TENT4B: variants seen among roughly 807,000 people sequenced by gnomAD.
TENT4B encodes the protein PAP associated domain containing 5.
A neutral mutation model predicts 75.0 loss-of-function variants in TENT4B; 10 were observed. That is an observed-to-expected ratio of 0.13 (90% confidence interval 0.08 to 0.23). TENT4B has a LOEUF of 0.23. Ranked by LOEUF, TENT4B falls within the 10% of genes least tolerant of loss-of-function variation. The probability of loss-of-function intolerance (pLI) is 1.00; values close to 1 mark genes in which losing one functional copy is unlikely to be tolerated. For missense variants in TENT4B, 579 were observed against 893.8 expected, an observed-to-expected ratio of 0.65 and a Z score of 4.49; for synonymous variants, 350 against 357.7, an observed-to-expected ratio of 0.98 and a Z score of 0.24.
At position 50,229,450 on chromosome 16, in the gene TENT4B, G is replaced by GT; in HGVS notation, c.*128dup. 7 of 1,317,512 alleles carry GT rather than the reference G, an allele frequency of 5.3e-6. No individual in the cohort carries two copies. The highest frequency in any genetic ancestry group is 2.5e-5 in the South Asian group (1 of 39,250). The allele number at this position is 1,317,512 out of a possible 1,614,324, so 81.6% of individuals were successfully genotyped here. Reference sequence around the variant, plus strand: ...GTTCAGACGTTGACTTAGCAACTGCGTTTTTTCCCAGCTCGCCACAGAATG... The same window carrying GT: ...GTTCAGACGTTGACTTAGCAACTGCGTTTTTTTCCCAGCTCGCCACAGAATG... On this transcript the variant is annotated 3_prime_UTR_variant, in exon 12 of 12. Coordinates refer to ENST00000561678, the MANE Select transcript of TENT4B (RefSeq NM_001365324.3).
rs1246776842 is a variant in TENT4B at position 50,232,681 on chromosome 16, C to T, written c.*3353C>T. On this transcript the variant is annotated 3_prime_UTR_variant, in exon 12 of 12. Coordinates refer to ENST00000561678, the MANE Select transcript of TENT4B (RefSeq NM_001365324.3). ...TGTGACATGTTCATTGCAAAGCCCT[C>T]TCCAGTGACTAGGAGGTGTAGTTAT... is the stretch of plus-strand genomic sequence containing the variant. 3 of 985,086 alleles carry T rather than the reference C, an allele frequency of 3.0e-6. No individual in the cohort carries two copies. The African/African-American group carries it at 5.2e-5, about 17-fold the overall frequency. The allele number at this position is 985,086 out of a possible 1,614,324, so 61.0% of individuals were successfully genotyped here. A position where few individuals can be genotyped will look rare whatever the true frequency, so the allele number is the denominator to read the frequency against.
At position 50,154,013 on chromosome 16, in the gene TENT4B, C is replaced by G; in HGVS notation, c.392C>G (p.Ser131Trp). The G allele has an allele frequency of 2.0e-6, 3 of 1,533,652 alleles. No individual in the cohort carries two copies. The highest frequency in any genetic ancestry group is 2.6e-6 in the Non-Finnish European group (3 of 1,145,858). The change falls in exon 1 of 12, where the codon TCG (serine) becomes TGG (tryptophan). Residue 131 changes from serine to tryptophan, a missense_variant. Ser to Trp is a radical substitution (Grantham distance 177, BLOSUM62 -3). Around this residue, in one of 7 missense-constraint regions of TENT4B, gnomAD observed 253 missense variants for 270.1 expected, o/e 0.94. Coordinates refer to ENST00000561678, the MANE Select transcript of TENT4B (RefSeq NM_001365324.3). Reference protein sequence around the residue: ...WARRAGSSASSPPSASSSPHP... With the variant: ...WARRAGSSASWPPSASSSPHP... ...CGCCGGGCGGGCTCCTCGGCGTCCT[C>G]GCCTCCCTCGGCGTCCTCGTCCCCG...
chr16:50,216,072 C>G lies in TENT4B; in HGVS notation c.810-3C>G, dbSNP rs769307265. On this transcript the variant is annotated splice_region_variant and splice_polypyrimidine_tract_variant and intron_variant, in intron 3 of 11. Coordinates refer to ENST00000561678, the MANE Select transcript of TENT4B (RefSeq NM_001365324.3). ...CCCTCTTGTATATGTATTCTGTGTT[C>G]AGTGACATCGACCTAGTGGTGTTTG... 1 of 1,613,880 alleles carries G rather than the reference C, an allele frequency of 6.2e-7. No individual in the cohort carries two copies. The highest frequency in any genetic ancestry group is 8.5e-7 in the Non-Finnish European group (1 of 1,179,838).
chr16:50,213,008 T>A (rs2031368520), intron 2 of TENT4B, among the ~76,000 whole-genome samples: 1 of 152,118 alleles, frequency 6.6e-6, no homozygotes, highest in Admixed American at 6.5e-5. Context: ...CATGAGCTTG[T>A]GGTTAGGTTC....
chr16:50,190,088 AAAAAAC>A (rs769242148), intron 1 of TENT4B, among the ~76,000 whole-genome samples: 4,495 of 30,008 alleles, frequency 0.15, 83 homozygotes, highest in Non-Finnish European at 0.28. Flanking sequence ...AAAAAAAAAA[AAAAAAC>A]AAAGAAAAGA....
At chr16:50,212,585 T>A (rs1727027163) in intron 2 of TENT4B, among the ~76,000 whole-genome samples, 1 of 152,168 alleles carries the variant, frequency 6.6e-6, no homozygotes, top group South Asian at 2.1e-4. Flanking sequence ...TGCAAGTATA[T>A]GACAGTATGT....
chr16:50,227,711 G>T (rs2032115969), intron 10 of TENT4B, 128 bp from the exon 11 acceptor site: 1 of 982,902 alleles, frequency 1.0e-6, no homozygotes, highest in Non-Finnish European at 1.5e-6. Flanking sequence ...TTTTTTGTGT[G>T]CTTCTTTTAA....
At chr16:50,160,418 G>A (rs1243647900) in intron 1 of TENT4B, among the ~76,000 whole-genome samples, 1 of 152,122 alleles carries the variant, frequency 6.6e-6, no homozygotes, top group Admixed American at 6.6e-5. Flanking sequence ...TCACACAAAA[G>A]GCTTACTACA....
chr16:50,215,034 A>T (rs2031478519), intron 3 of TENT4B, among the ~76,000 whole-genome samples: 1 of 152,194 alleles, frequency 6.6e-6, no homozygotes, highest in South Asian at 2.1e-4. Flanking sequence ...CAGGGTACAG[A>T]TCTCTTCTCT....
Position 50,153,936 on chromosome 16 carries a change from C to G in TENT4B, c.315C>G (p.Pro105=). Residue 105 remains proline (P), a synonymous_variant, in exon 1 of 12, where the codon CCC becomes CCG. Transcript: ENST00000561678. ...ALPAEQRDFL[P]LETTNNNNNH... is the part of the protein sequence containing the mutation. ...CCGCGGAGCAGCGGGACTTCCTGCCCCTAGAGACGACCAACAACAACAACA... is the reference window on the plus strand; with the variant it reads ...CCGCGGAGCAGCGGGACTTCCTGCCGCTAGAGACGACCAACAACAACAACA... The G allele has an allele frequency of 1.3e-6, 2 of 1,533,492 alleles. No homozygotes were observed. The highest frequency in any genetic ancestry group is 1.7e-6 in the Non-Finnish European group (2 of 1,145,924). The allele number at this position is 1,533,492 out of a possible 1,614,324, so 95.0% of individuals were successfully genotyped here.
At chr16:50,180,565 C>T (rs1021662244) in intron 1 of TENT4B, among the ~76,000 whole-genome samples, 10 of 152,128 alleles carry the variant, frequency 6.6e-5, no homozygotes, top group African/African-American at 1.4e-4. Flanking sequence ...AAAAATTAGC[C>T]GGGTATGATG....
chr16:50,226,641 C>T (rs966034282), intron 10 of TENT4B, among the ~76,000 whole-genome samples: 6 of 151,990 alleles, frequency 3.9e-5, no homozygotes, highest in African/African-American at 9.7e-5. Flanking sequence ...TGGTCTTGAT[C>T]GCCTGACCTC....
At chr16:50,190,124 T>C (rs535939602) in intron 1 of TENT4B, among the ~76,000 whole-genome samples, 2 of 151,308 alleles carry the variant, frequency 1.3e-5, no homozygotes, top group African/African-American at 4.9e-5. Flanking sequence ...AAGAAATGTA[T>C]TTTTGGTATT....
At chr16:50,217,886 C>A (rs2031643979) in intron 5 of TENT4B, among the ~76,000 whole-genome samples, 1 of 151,868 alleles carries the variant, frequency 6.6e-6, no homozygotes, top group South Asian at 2.1e-4. Context: ...TCACCTCAGC[C>A]TCCCAAGTAG....
chr16:50,153,954 C>T lies in TENT4B; in HGVS notation c.333C>T (p.Asn111=). ...TCCTGCCCCTAGAGACGACCAACAACAACAACAACCACCACCAGCCCGGGG... is the reference window on the plus strand; with the variant it reads ...TCCTGCCCCTAGAGACGACCAACAATAACAACAACCACCACCAGCCCGGGG... The part of the protein sequence containing the change: ...RDFLPLETTN[N]NNNHHQPGAW... Residue 111 remains asparagine (N), a synonymous_variant, in exon 1 of 12, where the codon AAC becomes AAT. Transcript: ENST00000561678. The T allele has an allele frequency of 6.5e-7, 1 of 1,534,028 alleles. No individual in the cohort carries two copies. Among genetic ancestry groups the T allele is most frequent in the Non-Finnish European group, 8.7e-7 (1 of 1,146,122 alleles).
Position 50,222,353 on chromosome 16 carries a change from A to G in TENT4B, c.1086A>G (p.Leu362=), listed in dbSNP as rs2031868357. The part of the protein sequence containing the change: ...PYLVLVLKQF[L]LQRDLNEVFT... Reference sequence around the variant, plus strand: ...TGGTTTTAGTATTGAAACAATTCCTATTGCAGAGGGACCTTAATGAAGTAT... The same window carrying G: ...TGGTTTTAGTATTGAAACAATTCCTGTTGCAGAGGGACCTTAATGAAGTAT... The change falls in exon 6 of 12, where the codon CTA becomes CTG. Residue 362 remains leucine (L), a synonymous_variant. Coordinates refer to ENST00000561678, the MANE Select transcript of TENT4B (RefSeq NM_001365324.3). 2.5e-6 allele frequency: 4 copies of G among 1,610,780 alleles called. No individual in the cohort carries two copies. Among genetic ancestry groups the G allele is most frequent in the Non-Finnish European group, 3.4e-6 (4 of 1,178,078 alleles).
chr16:50,189,553 A>G (rs2038599550), intron 1 of TENT4B, among the ~76,000 whole-genome samples: 2 of 152,124 alleles, frequency 1.3e-5, no homozygotes, highest in Non-Finnish European at 2.9e-5. Context: ...TATCCCCTCT[A>G]TTCTCTCTGA....
chr16:50,194,339 C>G (rs894985235), intron 1 of TENT4B, among the ~76,000 whole-genome samples: 1 of 151,848 alleles, frequency 6.6e-6, no homozygotes, highest in African/African-American at 2.4e-5. Context: ...TCTCAGCCTC[C>G]TGAGTTGCTG....
intron 10 of TENT4B, among the ~76,000 whole-genome samples, chr16:50,226,823 A>G (rs1243739294): frequency 1.3e-5 from 2 of 152,176 alleles, no homozygotes; most frequent in Non-Finnish European, 2.9e-5. Context: ...ATCTCCAGTA[A>G]TTCTAGAACA....
Sources: allele counts gnomAD v4.1 joint callset (sites outside exome capture counted in the v4.1 genomes callset), GRCh38; gene constraint gnomAD v4.1.1; regional missense constraint gnomAD v4.1.1; transcripts MANE v1.5; gene names NCBI Gene and HGNC (gene_info 2026-07-23, HGNC 2026-07-21).